SREBF1: variants seen among roughly 807,000 people sequenced by gnomAD.
SREBF1 encodes sterol regulatory element binding transcription factor 1, also known as sterol regulatory element-binding protein 1.
In SREBF1, 45 loss-of-function variants were observed where a neutral mutation model predicts 100.1. That is an observed-to-expected ratio of 0.45 (90% confidence interval 0.35 to 0.58). The LOEUF is 0.58. Ranked by LOEUF, SREBF1 falls within the 20% of genes least tolerant of loss-of-function variation. The probability of loss-of-function intolerance (pLI) is 0.00; values close to 1 mark genes in which losing one functional copy is unlikely to be tolerated. For missense variants in SREBF1, 1,324 were observed against 1,539.4 expected (o/e 0.86, Z 2.34); for synonymous variants, 657 against 681.8 (o/e 0.96, Z 0.57).
In SREBF1 at chr17:17,826,264, A is replaced by G. The variant is rs76311727; in HGVS notation, c.92-5743T>C. On this transcript the variant is annotated intron_variant, in intron 1 of 18. Coordinates refer to ENST00000261646, the MANE Select transcript of SREBF1 (RefSeq NM_004176.5). ...CTTGCAGTATTCACGTTGGAGCTCC[A>G]TTACCATTCGACTGAGTCTTTTTTT... is the stretch of plus-strand genomic sequence containing the variant. Among the ~76,000 whole-genome samples the G allele has an allele frequency of 4.6e-5, 7 of 150,692 alleles. No homozygotes were observed. The South Asian group carries it at 6.2e-4, about 13-fold the overall frequency.
chr17:17,811,681 G>T lies in SREBF1; in HGVS notation c.*941C>A. ...GTGAGATGACCAGGGGCCGGGATGG[G>T]GGAGGTGAGACGTGCCAGACTTCTT... On this transcript the variant is annotated 3_prime_UTR_variant, in exon 19 of 19. Coordinates refer to ENST00000261646, the MANE Select transcript of SREBF1 (RefSeq NM_004176.5). 2.2e-6 allele frequency: 1 copy of T among 453,664 alleles called. No homozygotes were observed. The highest frequency in any genetic ancestry group is 4.4e-6 in the Non-Finnish European group (1 of 225,814). The allele number at this position is 453,664 out of a possible 1,614,324, so 28.1% of individuals were successfully genotyped here. A position where few individuals can be genotyped will look rare whatever the true frequency, so the allele number is the denominator to read the frequency against.
chr17:17,836,563 G>A (rs185414313), intron 1 of SREBF1, among the ~76,000 whole-genome samples, 164 bp downstream of exon 1: 1 of 152,318 alleles, frequency 6.6e-6, no homozygotes, highest in African/African-American at 2.4e-5. Context: ...GAACCAGGGA[G>A]GCTCGGTGAG....
rs745723863 is a variant in SREBF1 at position 17,820,114 on chromosome 17, T to C, written c.499A>G (p.Ser167Gly). The C allele has an allele frequency of 4.3e-6, 7 of 1,612,346 alleles. No individual in the cohort carries two copies. The Admixed American group carries it at 8.3e-5, about 19-fold the overall frequency. The change falls in exon 2 of 19, where the codon AGC becomes GGC. Residue 167 changes from serine (S) to glycine (G), a missense_variant. Ser to Gly is a moderately conservative substitution (Grantham distance 56). Transcript: ENST00000261646. ...FSSTPVLGYP[S>G]PPGGFSTGSP... ...CCTGTAGAGAAGCCTCCCGGAGGGC[T>C]GGGGTAGCCTAACACAGGGGTGGAG...
Position 17,817,498 on chromosome 17 carries a change from G to C in SREBF1, c.1405-41C>G, listed in dbSNP as rs748652493. On this transcript the variant is annotated intron_variant, in intron 7 of 18. Transcript: ENST00000261646. This position sits in a 1 kb window ranked among gnomAD's most constrained non-coding sequence, Gnocchi z 6.6. ...AGGGTGGTGAGGGCAGAATCGGAGG[G>C]ACCCCAGAGAGCATGGGGCTGGGAA... 1.1e-5 allele frequency: 17 copies of C among 1,552,492 alleles called. No individual in the cohort carries two copies. Among genetic ancestry groups the C allele is most frequent in the Non-Finnish European group, 1.5e-5 (17 of 1,145,422 alleles).
chr17:17,817,548 C>G lies in SREBF1; in HGVS notation c.1405-91G>C, dbSNP rs757085390. 2 of 1,529,806 alleles carry G rather than the reference C, an allele frequency of 1.3e-6. No individual in the cohort carries two copies. The highest frequency in any genetic ancestry group is 2.4e-5 in the South Asian group (2 of 83,984). 94.8% of individuals were successfully genotyped at this position (1,529,806 alleles called of 1,614,324 possible). On this transcript the variant is annotated intron_variant, in intron 7 of 18. Coordinates refer to ENST00000261646, the MANE Select transcript of SREBF1 (RefSeq NM_004176.5). The surrounding 1 kb of genome is among the most constrained non-coding windows in gnomAD (Gnocchi z 6.6). ...AGGGGGGGGTCAGGATTCTGCCCAC[C>G]TTACTGTGGGACCCCACGTGGCTCC...
At chr17:17,832,635 C>T (rs1318155216) in intron 1 of SREBF1, among the ~76,000 whole-genome samples, 1 of 152,202 alleles carries the variant, frequency 6.6e-6, no homozygotes, top group Non-Finnish European at 1.5e-5. Flanking sequence ...AGACTGGCCT[C>T]AGTGGCCAGG....
intron 1 of SREBF1, among the ~76,000 whole-genome samples, chr17:17,834,767 C>A (rs1249775210): frequency 2.6e-5 from 4 of 152,200 alleles, no homozygotes; most frequent in Admixed American, 6.5e-5. Flanking sequence ...GTAATCCCAG[C>A]ACTTTGGGAG....
intron 1 of SREBF1, among the ~76,000 whole-genome samples, chr17:17,828,852 T>G (rs1056093065): frequency 4.6e-5 from 7 of 151,998 alleles, no homozygotes; most frequent in Non-Finnish European, 7.4e-5. Context: ...AGTTCAACAT[T>G]GCAGCGAGCT....
At chr17:17,823,667 CGCCCCGCCCCCA>C (rs754830322) in intron 1 of SREBF1, 192 of 1,291,994 alleles carry the variant, frequency 1.5e-4, no homozygotes, top group African/African-American at 7.6e-4. Context: ...CGCCCCGCCC[CGCCCCGCCCCCA>C]GCCCCGCCCC....
chr17:17,814,130 G>C, intron 16 of SREBF1, 115 bp downstream of exon 16: 3 of 1,237,562 alleles, frequency 2.4e-6, no homozygotes, highest in South Asian at 1.3e-5. Flanking sequence ...CCCCTATCCT[G>C]TGCTGCTTGG....
Position 17,813,387 on chromosome 17 carries a change from T to A in SREBF1, c.3195A>T (p.Ala1065=). 1 of 1,599,142 alleles carries A rather than the reference T, an allele frequency of 6.3e-7. No individual in the cohort carries two copies. Among genetic ancestry groups the A allele is most frequent in the Non-Finnish European group, 8.5e-7 (1 of 1,174,444 alleles). The change falls in exon 18 of 19, where the codon GCA becomes GCT. Residue 1065 remains alanine, a synonymous_variant. Transcript: ENST00000261646. ...QLLDRSLRRR[A]GPGGKGGAVA... is the part of the protein sequence containing the mutation. ...CCTCACCTCCTTTGCCACCGGGGCC[T>A]GCCCGCCGCCTCAGACTGCGGTCGA...
rs370794086 is a variant in SREBF1 at position 17,819,181 on chromosome 17, C to T, written c.900G>A (p.Ala300=). ...CGAGCCGGTTGATAGGCAGCTTCTC[C>T]GCATCTACGACCAGTGGGACTGTTG... ...ILATVPLVVD[A]EKLPINRLAA... Residue 300 remains alanine, a synonymous_variant, in exon 5 of 19, where the codon GCG becomes GCA. Transcript: ENST00000261646. The T allele has an allele frequency of 1.6e-4, 258 of 1,614,056 alleles. No homozygotes were observed. Among genetic ancestry groups the T allele is most frequent in the Middle Eastern group, 3.3e-4 (2 of 6,084 alleles).
intron 1 of SREBF1, among the ~76,000 whole-genome samples, chr17:17,835,480 A>C (rs1223195252): frequency 6.6e-6 from 1 of 152,188 alleles, no homozygotes; most frequent in Non-Finnish European, 1.5e-5. Flanking sequence ...AGGCTGCAGT[A>C]GGGCAGGAGT....
chr17:17,826,313 G>A (rs148076583), intron 1 of SREBF1, among the ~76,000 whole-genome samples: 265 of 150,204 alleles, frequency 1.8e-3, no homozygotes, highest in African/African-American at 4.2e-3. Context: ...GGGAGTTAAC[G>A]GGGCCAGTCT....
intron 1 of SREBF1, chr17:17,823,670 C>T (rs2034281631): frequency 7.1e-6 from 9 of 1,268,946 alleles, no homozygotes; most frequent in Admixed American, 2.2e-5. Context: ...CCCGCCCCGC[C>T]CCGCCCCCAG....
chr17:17,820,976 C>T (rs2034055330), intron 1 of SREBF1: 1 of 222,522 alleles, frequency 4.5e-6, no homozygotes, highest in South Asian at 6.5e-5. Context: ...GCTGAGTGCC[C>T]ACACTATGCC....
rs531078297 is a variant in SREBF1, at chr17:17,818,929, C to T, written c.1068+84G>A. 4.1e-6 allele frequency: 6 copies of T among 1,475,438 alleles called. No individual in the cohort carries two copies. In the Admixed American group the frequency reaches 8.4e-5, roughly 21 times the overall value. The allele number at this position is 1,475,438 out of a possible 1,614,324, so 91.4% of individuals were successfully genotyped here. A position where few individuals can be genotyped will look rare whatever the true frequency, so the allele number is the denominator to read the frequency against. ...TTCCCTGCTTGTCCAGGCTCAGTCT[C>T]ACTCCCTCTCTTCCTTCCAGTTGCC... On this transcript the variant is annotated intron_variant, in intron 5 of 18. Transcript: ENST00000261646.
chr17:17,828,018 G>A (rs897010394), intron 1 of SREBF1, among the ~76,000 whole-genome samples: 1 of 152,192 alleles, frequency 6.6e-6, no homozygotes, highest in Non-Finnish European at 1.5e-5. Flanking sequence ...TCAGCTGGGG[G>A]CCCCTCCTGT....
intron 1 of SREBF1, chr17:17,823,589 C>T (rs1323941753): frequency 1.2e-6 from 2 of 1,612,688 alleles, no homozygotes; most frequent in Non-Finnish European, 1.7e-6. Flanking sequence ...GGCCCTACCC[C>T]TCCCCGCGCC....
Sources: gnomAD v4.1 joint callset for allele counts (sites outside exome capture counted in the v4.1 genomes callset) on GRCh38, gnomAD v4.1.1 for gene constraint, Gnocchi (gnomAD v3.1) non-coding constraint, MANE v1.5 for transcripts, NCBI Gene and HGNC (gene_info 2026-07-23, HGNC 2026-07-21) for gene names.